The following BCAS3 variants were observed in gnomAD, a reference collection of about 807,000 sequenced individuals.
The protein encoded by BCAS3 is BCAS3 microtubule associated cell migration factor.
In BCAS3, 53 loss-of-function variants were observed where a neutral mutation model predicts 116.1. The ratio of observed to expected loss-of-function variants is 0.46; its 90% CI spans 0.37 to 0.57. BCAS3 has a LOEUF of 0.57. Among genes scored for constraint, BCAS3 ranks in the 20% least tolerant of loss-of-function variants. The pLI is 0.00. For missense variants in BCAS3, 917 were observed against 1,165.4 expected (o/e 0.79, Z 3.10); for synonymous variants, 391 against 408.2 (o/e 0.96, Z 0.51).
rs1018635762 is a variant in BCAS3, at chr17:61,145,140, T to C, written c.2425+60576T>C. Among the ~76,000 whole-genome samples, 1 of 152,230 alleles carries C rather than the reference T, an allele frequency of 6.6e-6. No homozygotes were observed. The highest frequency in any genetic ancestry group is 2.4e-5 in the African/African-American group (1 of 41,454). ...CGGCAGTAATTTAATTTTTCCTTCATTCTGACTCGGAAATGGCAGCATTTT... is the reference window on the plus strand; with the variant it reads ...CGGCAGTAATTTAATTTTTCCTTCACTCTGACTCGGAAATGGCAGCATTTT... On this transcript the variant is annotated intron_variant, in intron 22 of 23. Transcript: ENST00000407086. This position sits in a 1 kb window ranked among gnomAD's most constrained non-coding sequence, Gnocchi z 5.0.
At chr17:60,974,278 G>A (rs987641993) in intron 14 of BCAS3, among the ~76,000 whole-genome samples, 2 of 152,152 alleles carry the variant, frequency 1.3e-5, no homozygotes, top group Admixed American at 6.5e-5. Flanking sequence ...CATCTTAGAT[G>A]CTGAAATGTA....
intron 5 of BCAS3, among the ~76,000 whole-genome samples, chr17:60,742,015 A>G (rs1405812662): frequency 6.6e-6 from 1 of 152,204 alleles, no homozygotes; most frequent in Admixed American, 6.5e-5. Flanking sequence ...CTCATTGATT[A>G]GGGATTTGGG....
intron 4 of BCAS3, among the ~76,000 whole-genome samples, chr17:60,700,453 T>G (rs567577245): frequency 6.6e-6 from 1 of 152,324 alleles, no homozygotes; most frequent in South Asian, 2.1e-4. Context: ...GAGGAAGTCA[T>G]GATCTTTGAG....
In BCAS3 at chr17:61,224,381, A is replaced by G. The variant is rs894384858; in HGVS notation, c.2425+139817A>G. 2.0e-5 allele frequency among the ~76,000 whole-genome samples: 3 copies of G among 152,212 alleles called. No individual in the cohort carries two copies. The highest frequency in any genetic ancestry group is 4.4e-5 in the Non-Finnish European group (3 of 68,030). ...TCAGGAGAGATTTCATGGAAGAGGT[A>G]TCATTCAAGCTGAGTTTTGTTATAT... On this transcript the variant is annotated intron_variant, in intron 22 of 23. Coordinates refer to ENST00000407086, the MANE Select transcript of BCAS3 (RefSeq NM_017679.5). This position sits in a 1 kb window ranked among gnomAD's most constrained non-coding sequence, Gnocchi z 5.7.
chr17:60,971,439 T>G (rs1216129111), intron 14 of BCAS3, among the ~76,000 whole-genome samples: 1 of 152,212 alleles, frequency 6.6e-6, no homozygotes, highest in Non-Finnish European at 1.5e-5. Context: ...ATGGGCACAG[T>G]TGGCCCACCG....
rs909587197 is a variant in BCAS3, at chr17:61,241,269, G to A, written c.2426-127058G>A. Among the ~76,000 whole-genome samples, 1 of 152,086 alleles carries A rather than the reference G, an allele frequency of 6.6e-6. No homozygotes were observed. Among genetic ancestry groups the A allele is most frequent in the Non-Finnish European group, 1.5e-5 (1 of 68,026 alleles). On this transcript the variant is annotated intron_variant, in intron 22 of 23. Coordinates refer to ENST00000407086, the MANE Select transcript of BCAS3 (RefSeq NM_017679.5). The surrounding 1 kb of genome is among the most constrained non-coding windows in gnomAD (Gnocchi z 4.6). The stretch of plus-strand genomic sequence containing the variant: ...TTTAGCTTAGCAAGTGATGAAGCTA[G>A]TGAGTGAGCCTGTTTACCACCAAGT...
At chr17:61,209,818 T>A (rs929909391) in intron 22 of BCAS3, among the ~76,000 whole-genome samples, 1 of 152,212 alleles carries the variant, frequency 6.6e-6, no homozygotes, top group Non-Finnish European at 1.5e-5. Context: ...GGGTTTAAAG[T>A]GGATGGCCGG....
intron 6 of BCAS3, among the ~76,000 whole-genome samples, chr17:60,779,622 G>A (rs1459417658): frequency 1.3e-5 from 2 of 152,140 alleles, no homozygotes; most frequent in African/African-American, 4.8e-5. Flanking sequence ...ACCCGCCTTG[G>A]CCTCCCAAAG....
chr17:61,193,989 C>T (rs1396245927), intron 22 of BCAS3, among the ~76,000 whole-genome samples: 7 of 148,606 alleles, frequency 4.7e-5, no homozygotes, highest in Non-Finnish European at 1.0e-4. Flanking sequence ...TGGTGGTGGG[C>T]ACCTGTAATC....
At chr17:60,739,038 T>C (rs904864921) in intron 5 of BCAS3, among the ~76,000 whole-genome samples, 7 of 152,204 alleles carry the variant, frequency 4.6e-5, no homozygotes, top group Non-Finnish European at 1.0e-4. Context: ...TACTACATTT[T>C]AAACTTCTTT....
Position 61,324,560 on chromosome 17 carries a change from G to A in BCAS3, c.2426-43767G>A, listed in dbSNP as rs1053232381. Among the ~76,000 whole-genome samples the A allele has an allele frequency of 3.9e-5, 6 of 152,080 alleles. No homozygotes were observed. Among genetic ancestry groups the A allele is most frequent in the East Asian group, 1.9e-4 (1 of 5,190 alleles). ...TGTGTTAAAAAATCAAACTGAAATCGCCTCCAAAAGGAAGGCAGCACTGAA... is the reference window on the plus strand; with the variant it reads ...TGTGTTAAAAAATCAAACTGAAATCACCTCCAAAAGGAAGGCAGCACTGAA... On this transcript the variant is annotated intron_variant, in intron 22 of 23. Coordinates refer to ENST00000407086, the MANE Select transcript of BCAS3 (RefSeq NM_017679.5). This position sits in a 1 kb window ranked among gnomAD's most constrained non-coding sequence, Gnocchi z 4.6.
rs1277625434 is a variant in BCAS3 at position 61,019,553 on chromosome 17, A to G, written c.1637+3652A>G. Among the ~76,000 whole-genome samples, 1 of 152,202 alleles carries G rather than the reference A, an allele frequency of 6.6e-6. No individual in the cohort carries two copies. Among genetic ancestry groups the G allele is most frequent in the Non-Finnish European group, 1.5e-5 (1 of 68,030 alleles). ...TGTATTTTGCCTTGTCAAAAGTAATATTTGATTCGTGAGAACCAAATATAT... is the reference window on the plus strand; with the variant it reads ...TGTATTTTGCCTTGTCAAAAGTAATGTTTGATTCGTGAGAACCAAATATAT... On this transcript the variant is annotated intron_variant, in intron 16 of 23. Coordinates refer to ENST00000407086, the MANE Select transcript of BCAS3 (RefSeq NM_017679.5). The surrounding 1 kb of genome is among the most constrained non-coding windows in gnomAD (Gnocchi z 5.6).
rs2081281433 is a variant in BCAS3 at position 61,208,618 on chromosome 17, G to A, written c.2425+124054G>A. ...CTAATATCAGAGACTCTCTTTTAAA[G>A]CTACTAGGTCCACGCTTCTATGAAG... On this transcript the variant is annotated intron_variant, in intron 22 of 23. Transcript: ENST00000407086. The surrounding 1 kb of genome is among the most constrained non-coding windows in gnomAD (Gnocchi z 4.5). Among the ~76,000 whole-genome samples the A allele has an allele frequency of 6.6e-6, 1 of 152,154 alleles. No individual in the cohort carries two copies. The highest frequency in any genetic ancestry group is 1.5e-5 in the Non-Finnish European group (1 of 68,030).
chr17:61,045,962 TA>T (rs2068139211), intron 19 of BCAS3, among the ~76,000 whole-genome samples: 1 of 11,130 alleles, frequency 9.0e-5, no homozygotes, highest in Non-Finnish European at 1.2e-4. Context: ...TAAATATATA[TA>T]TAATATATAT....
chr17:61,342,294 C>T (rs1282875619), intron 22 of BCAS3, among the ~76,000 whole-genome samples: 4 of 152,210 alleles, frequency 2.6e-5, no homozygotes, highest in East Asian at 1.9e-4. Flanking sequence ...CCTTTAGAAA[C>T]GTCACTTCCC....
Position 61,126,705 on chromosome 17 carries a change from T to C in BCAS3, c.2425+42141T>C, listed in dbSNP as rs1362978039. On this transcript the variant is annotated intron_variant, in intron 22 of 23. Transcript: ENST00000407086. The surrounding 1 kb of genome is among the most constrained non-coding windows in gnomAD (Gnocchi z 4.6). ...TCTACTGGGAAATGTATCCTTGGAC[T>C]GAAAATTGCATCCGGAAAAATGTTT... Among the ~76,000 whole-genome samples the C allele has an allele frequency of 1.3e-5, 2 of 152,194 alleles. No homozygotes were observed. Among genetic ancestry groups the C allele is most frequent in the Non-Finnish European group, 1.5e-5 (1 of 68,026 alleles).
chr17:61,140,786 TATGAA>T lies in BCAS3; in HGVS notation c.2425+56227_2425+56231del, dbSNP rs1783508984. On this transcript the variant is annotated intron_variant, in intron 22 of 23. Coordinates refer to ENST00000407086, the MANE Select transcript of BCAS3 (RefSeq NM_017679.5). This position sits in a 1 kb window ranked among gnomAD's most constrained non-coding sequence, Gnocchi z 4.2. ...CATAAAACTTTCATGTTCTTTTCCT[TATGAA>T]ATGACTCTATGACTTTGGGCACATT... 6.6e-6 allele frequency among the ~76,000 whole-genome samples: 1 copy of T among 152,208 alleles called. No individual in the cohort carries two copies. Among genetic ancestry groups the T allele is most frequent in the South Asian group, 2.1e-4 (1 of 4,832 alleles).
chr17:60,919,767 T>G (rs1031741884), intron 12 of BCAS3, among the ~76,000 whole-genome samples: 7 of 152,086 alleles, frequency 4.6e-5, no homozygotes, highest in Non-Finnish European at 8.8e-5. Context: ...TGCCAGTATA[T>G]TCAATCAATG....
At chr17:60,929,816 G>T (rs1033140423) in intron 13 of BCAS3, among the ~76,000 whole-genome samples, 2 of 147,310 alleles carry the variant, frequency 1.4e-5, no homozygotes, top group East Asian at 4.0e-4. Flanking sequence ...GAGAACATGC[G>T]GTGTTTGGTT....
Sources: allele counts gnomAD v4.1 joint callset (sites outside exome capture counted in the v4.1 genomes callset), GRCh38; gene constraint gnomAD v4.1.1; non-coding constraint Gnocchi (gnomAD v3.1); transcripts MANE v1.5; gene names NCBI Gene and HGNC (gene_info 2026-07-23, HGNC 2026-07-21).